Variants in DIAPH2 observed in about 807,000 individuals in gnomAD.
DIAPH2 encodes the protein protein diaphanous homolog 2.
DIAPH2 carries 35 observed loss-of-function variants against 92.7 expected under a neutral mutation model. The ratio of observed to expected loss-of-function variants is 0.38; its 90% CI spans 0.29 to 0.50. The LOEUF (loss-of-function observed/expected upper bound fraction) is 0.50, where lower values mean the gene tolerates loss of function less well. Among genes scored for constraint, DIAPH2 ranks in the 20% least tolerant of loss-of-function variants. The pLI is 0.94. For synonymous variants in DIAPH2, 301 were observed against 280.4 expected (o/e 1.07, Z -0.73); for missense variants, 701 against 819.5 (o/e 0.86, Z 1.77).
At chrX:97,570,142 A>G (rs1276987741) in intron 26 of DIAPH2, among the ~76,000 whole-genome samples, 1 of 82,947 alleles carries the variant, frequency 1.2e-5, no homozygotes, top group African/African-American at 4.4e-5. Flanking sequence ...AGATAGATAG[A>G]TAGATAGATA....
At chrX:96,726,232 C>A (rs1457408068) in intron 1 of DIAPH2, among the ~76,000 whole-genome samples, 3 of 101,845 alleles carry the variant, frequency 2.9e-5, no homozygotes, top group Non-Finnish European at 6.1e-5. Context: ...CTGTCGCTCT[C>A]TTCCTCTGTC....
intron 2 of DIAPH2, among the ~76,000 whole-genome samples, chrX:96,738,305 C>T (rs762676641): frequency 9.1e-6 from 1 of 109,713 alleles, no homozygotes; most frequent in Non-Finnish European, 1.9e-5. Flanking sequence ...TGATCCGAGA[C>T]TTTTTTTTTC....
chrX:96,932,185 T>C (rs970824789), intron 10 of DIAPH2, among the ~76,000 whole-genome samples: 1 of 111,177 alleles, frequency 9.0e-6, no homozygotes, highest in Non-Finnish European at 1.9e-5. Flanking sequence ...GTTCTCTGTT[T>C]ATAGTAGCAT....
chrX:96,861,598 C>T (rs763069967), intron 4 of DIAPH2, among the ~76,000 whole-genome samples: 2 of 111,796 alleles, frequency 1.8e-5, no homozygotes, highest in East Asian at 2.8e-4. Context: ...TTCTTCTATT[C>T]GCTACACAAA....
chrX:96,766,959 G>C (rs1420460906), intron 4 of DIAPH2, among the ~76,000 whole-genome samples: 2 of 111,789 alleles, frequency 1.8e-5, no homozygotes, highest in African/African-American at 6.5e-5. Flanking sequence ...TATTGCTTCT[G>C]ACTTTGCTCA....
chrX:97,096,444 A>G (rs181889195), intron 19 of DIAPH2, among the ~76,000 whole-genome samples: 1 of 111,465 alleles, frequency 9.0e-6, no homozygotes, highest in East Asian at 2.8e-4. Context: ...TCTCAACATT[A>G]GATGTTTCTA....
chrX:96,916,417 GTTTT>G lies in DIAPH2; in HGVS notation c.733-6_733-3del, dbSNP rs56682273. 18 of 886,441 alleles carry G rather than the reference GTTTT, an allele frequency of 2.0e-5. No homozygotes were observed. The highest frequency in any genetic ancestry group is 3.3e-5 in the South Asian group (1 of 30,063). 73.1% of individuals were successfully genotyped at this position (886,441 alleles called of 1,213,427 possible). On this transcript the variant is annotated splice_polypyrimidine_tract_variant and intron_variant, in intron 7 of 26. Coordinates refer to ENST00000324765, the MANE Select transcript of DIAPH2 (RefSeq NM_006729.5). ...TATTCCATAGACATTCTGAATGAAG[GTTTT>G]TTTTTTTTTTTTTTAGTTTGGATTA...
chrX:97,096,570 G>A (rs961876763), intron 19 of DIAPH2, among the ~76,000 whole-genome samples: 2 of 111,685 alleles, frequency 1.8e-5, no homozygotes, highest in Non-Finnish European at 3.8e-5. Flanking sequence ...GTGGGAAGAG[G>A]GGAGGAGTTT....
At chrX:97,045,551 G>T (rs2066476088) in intron 17 of DIAPH2, among the ~76,000 whole-genome samples, 1 of 111,415 alleles carries the variant, frequency 9.0e-6, no homozygotes, top group Admixed American at 9.6e-5. Flanking sequence ...ATCATTTACA[G>T]GCCTAAGAAA....
At chrX:96,930,383 G>C (rs1287129113) in intron 9 of DIAPH2, among the ~76,000 whole-genome samples, 1 of 110,794 alleles carries the variant, frequency 9.0e-6, no homozygotes, top group African/African-American at 3.3e-5. Flanking sequence ...CAAGTGTACT[G>C]TGAGGACCAC....
intron 22 of DIAPH2, among the ~76,000 whole-genome samples, chrX:97,245,823 T>G (rs1295979092): frequency 1.8e-5 from 2 of 111,750 alleles, no homozygotes; most frequent in Admixed American, 9.6e-5. Context: ...AGGCACCATA[T>G]TTTTGGGTAA....
At chrX:97,539,130 T>A (rs758855119) in intron 26 of DIAPH2, among the ~76,000 whole-genome samples, 11 of 111,928 alleles carry the variant, frequency 9.8e-5, no homozygotes, top group Non-Finnish European at 1.7e-4. Context: ...TAGCTTTCTA[T>A]ATAGCTTACC....
chrX:96,920,434 A>G (rs752857506), intron 9 of DIAPH2, among the ~76,000 whole-genome samples: 263 of 112,003 alleles, frequency 2.3e-3, no homozygotes, highest in Non-Finnish European at 4.4e-3. Context: ...TTTTCATTAC[A>G]TTGATATATT....
intron 2 of DIAPH2, among the ~76,000 whole-genome samples, chrX:96,736,766 A>T (rs1292134601): frequency 8.9e-6 from 1 of 112,180 alleles, no homozygotes; most frequent in African/African-American, 3.2e-5. Context: ...AAACTGAAAG[A>T]CACAGTGGAA....
intron 26 of DIAPH2, among the ~76,000 whole-genome samples, chrX:97,543,935 G>A (rs2071160578): frequency 8.9e-6 from 1 of 111,947 alleles, no homozygotes; most frequent in African/African-American, 3.2e-5. Flanking sequence ...TATTTACATT[G>A]TATTCATTCA....
intron 26 of DIAPH2, among the ~76,000 whole-genome samples, chrX:97,526,099 A>G (rs1287259057): frequency 9.0e-6 from 1 of 110,630 alleles, no homozygotes; most frequent in Non-Finnish European, 1.9e-5. Context: ...GTTCATCATC[A>G]TCTTTAGACA....
chrX:97,470,622 A>G (rs569560357), intron 26 of DIAPH2, among the ~76,000 whole-genome samples: 204 of 110,041 alleles, frequency 1.9e-3, no homozygotes, highest in African/African-American at 6.5e-3. Context: ...CAATAGCACT[A>G]CTACATGTAC....
chrX:97,133,982 C>G (rs2067154757), intron 21 of DIAPH2, among the ~76,000 whole-genome samples: 2 of 112,562 alleles, frequency 1.8e-5, no homozygotes, highest in African/African-American at 6.5e-5. Flanking sequence ...GAGTAAATAT[C>G]TAAGCAACAA....
At chrX:97,465,832 G>A (rs936879267) in intron 26 of DIAPH2, among the ~76,000 whole-genome samples, 4 of 111,518 alleles carry the variant, frequency 3.6e-5, no homozygotes, top group African/African-American at 1.3e-4. Context: ...GGGATTACAG[G>A]CATTCACCAT....
Sources: gnomAD v4.1 joint callset for allele counts (sites outside exome capture counted in the v4.1 genomes callset) on GRCh38, gnomAD v4.1.1 for gene constraint, MANE v1.5 for transcripts, NCBI Gene and HGNC (gene_info 2026-07-23, HGNC 2026-07-21) for gene names.